LRBA: variants seen among roughly 807,000 people sequenced by gnomAD.
LRBA encodes LPS responsive beige-like anchor protein.
A neutral mutation model predicts 330.0 loss-of-function variants in LRBA; 176 were observed. The observed-to-expected ratio is 0.53, with a 90% CI of 0.47 to 0.60. The LOEUF (loss-of-function observed/expected upper bound fraction) is 0.60, where lower values mean the gene tolerates loss of function less well. Ranked by LOEUF, LRBA falls within the 20% of genes least tolerant of loss-of-function variation. The probability of loss-of-function intolerance (pLI) is 0.00; values close to 1 mark genes in which losing one functional copy is unlikely to be tolerated. For missense variants in LRBA, 3,259 were observed against 3,444.8 expected, an observed-to-expected ratio of 0.95 and a Z score of 1.35; for synonymous variants, 1,230 against 1,193.0, an observed-to-expected ratio of 1.03 and a Z score of -0.64.
At chr4:150,283,002 GCAAA>G (rs1273440086) in intron 54 of LRBA, among the ~76,000 whole-genome samples, 1 of 152,172 alleles carries the variant, frequency 6.6e-6, no homozygotes. Flanking sequence ...AGGCTGGGAT[GCAAA>G]CAAACAAGGG....
chr4:150,372,731 T>C, intron 47 of LRBA, among the ~76,000 whole-genome samples: 1 of 49,308 alleles, frequency 2.0e-5, no homozygotes, highest in Non-Finnish European at 7.0e-5. Context: ...TCCTTATTAT[T>C]AAATTATATG....
At chr4:150,593,352 T>C (rs1773122184) in intron 38 of LRBA, among the ~76,000 whole-genome samples, 1 of 152,222 alleles carries the variant, frequency 6.6e-6, no homozygotes, top group Non-Finnish European at 1.5e-5. Context: ...ACATAGTTAA[T>C]TCATTTAATT....
At chr4:150,930,130 C>G (rs1317739705) in intron 2 of LRBA, among the ~76,000 whole-genome samples, 1 of 152,016 alleles carries the variant, frequency 6.6e-6, no homozygotes, top group Non-Finnish European at 1.5e-5. Context: ...GCCTGGCCAA[C>G]ACGGTGAAAC....
chr4:150,628,267 T>C (rs1450446018), intron 37 of LRBA, among the ~76,000 whole-genome samples: 1 of 152,142 alleles, frequency 6.6e-6, no homozygotes, highest in Non-Finnish European at 1.5e-5. Flanking sequence ...ATTTTTCTCC[T>C]TTTTTTGACA....
At chr4:150,926,382 TAAAAC>T (rs1429900135) in intron 4 of LRBA, among the ~76,000 whole-genome samples, 1 of 152,070 alleles carries the variant, frequency 6.6e-6, no homozygotes, top group Non-Finnish European at 1.5e-5. Context: ...GCCTGAATAG[TAAAAC>T]TAAACTAGCC....
intron 36 of LRBA, among the ~76,000 whole-genome samples, chr4:150,699,083 A>G (rs541020854): frequency 1.3e-5 from 2 of 152,274 alleles, no homozygotes; most frequent in East Asian, 3.9e-4. Context: ...TGAGGCAGGA[A>G]AAAAGGGTAA....
intron 2 of LRBA, among the ~76,000 whole-genome samples, chr4:150,992,808 C>T (rs1340936956): frequency 2.0e-5 from 3 of 152,136 alleles, no homozygotes; most frequent in Non-Finnish European, 4.4e-5. Context: ...ATCTGGCTTC[C>T]ATTTTCCTAT....
At chr4:150,771,164 G>A (rs1348238501) in intron 34 of LRBA, among the ~76,000 whole-genome samples, 1 of 152,152 alleles carries the variant, frequency 6.6e-6, no homozygotes, top group African/African-American at 2.4e-5. Flanking sequence ...ACAGGAACAG[G>A]AAGCAAAACT....
chr4:150,368,715 A>G (rs1739844587), intron 47 of LRBA, among the ~76,000 whole-genome samples: 1 of 152,190 alleles, frequency 6.6e-6, no homozygotes, highest in Non-Finnish European at 1.5e-5. Context: ...AAAGGAAGAA[A>G]ATACTGAGAA....
chr4:150,947,044 A>G (rs923127490), intron 2 of LRBA, among the ~76,000 whole-genome samples: 1 of 152,056 alleles, frequency 6.6e-6, no homozygotes, highest in African/African-American at 2.4e-5. Context: ...TAATTTGAAT[A>G]ATCCTATAAT....
At chr4:150,334,644 T>C (rs1289179022) in intron 48 of LRBA, among the ~76,000 whole-genome samples, 1 of 152,030 alleles carries the variant, frequency 6.6e-6, no homozygotes, top group East Asian at 1.9e-4. Context: ...GATGAAAAGA[T>C]TGGCAGAATA....
chr4:150,803,083 TACACACACAC>T lies in LRBA; in HGVS notation c.5518+3178_5518+3187del, dbSNP rs1553964882. Among the ~76,000 whole-genome samples the T allele has an allele frequency of 1.5e-4, 19 of 128,480 alleles. 1 individual carries two copies. The highest frequency in any genetic ancestry group is 4.8e-4 in the South Asian group (2 of 4,168). The allele number at this position is 128,480 out of a possible 152,430, so 84.3% of individuals were successfully genotyped here. A position where few individuals can be genotyped will look rare whatever the true frequency, so the allele number is the denominator to read the frequency against. On this transcript the variant is annotated intron_variant, in intron 33 of 56. Coordinates refer to ENST00000651943, the MANE Select transcript of LRBA (RefSeq NM_001364905.1). ...AAAACAAACAAAAAAAAAATATATA[TACACACACAC>T]ACACACACACACACACATATATACA... is the stretch of plus-strand genomic sequence containing the variant.
At chr4:150,964,680 C>A (rs933525407) in intron 2 of LRBA, among the ~76,000 whole-genome samples, 7 of 151,864 alleles carry the variant, frequency 4.6e-5, no homozygotes, top group Non-Finnish European at 7.4e-5. Flanking sequence ...GGGACACAAA[C>A]ACTGCAGAAG....
intron 37 of LRBA, among the ~76,000 whole-genome samples, chr4:150,604,929 A>C (rs1167623676): frequency 6.6e-6 from 1 of 152,234 alleles, no homozygotes; most frequent in Non-Finnish European, 1.5e-5. Flanking sequence ...TGGCAGTTGC[A>C]CAGTCAGTAT....
At chr4:150,586,080 G>A (rs561422581) in intron 40 of LRBA, among the ~76,000 whole-genome samples, 1 of 152,140 alleles carries the variant, frequency 6.6e-6, no homozygotes, top group Admixed American at 6.5e-5. Context: ...AATATTAAGT[G>A]GCTCAAACAA....
intron 50 of LRBA, among the ~76,000 whole-genome samples, chr4:150,320,061 C>G (rs1194343458): frequency 6.6e-6 from 1 of 152,102 alleles, no homozygotes; most frequent in Non-Finnish European, 1.5e-5. Context: ...TTTCCTTCTT[C>G]TTAAAAAAAA....
At chr4:150,923,225 G>C (rs995208351) in intron 4 of LRBA, among the ~76,000 whole-genome samples, 7 of 149,136 alleles carry the variant, frequency 4.7e-5, no homozygotes, top group African/African-American at 1.5e-4. Context: ...CATTAAAATA[G>C]GGACCAAAAC....
At chr4:151,014,362 C>T (rs1376259950) in intron 2 of LRBA, 65 bp downstream of exon 2, 1 of 1,366,366 alleles carries the variant, frequency 7.3e-7, no homozygotes, top group South Asian at 1.2e-5. Flanking sequence ...ATGGCTCCAG[C>T]TTTAAGATCT....
At chr4:150,940,366 C>T (rs1735535560) in intron 2 of LRBA, among the ~76,000 whole-genome samples, 1 of 152,182 alleles carries the variant, frequency 6.6e-6, no homozygotes, top group African/African-American at 2.4e-5. Flanking sequence ...CATGCCACAG[C>T]ACCCCAGTCT....
Sources: allele counts gnomAD v4.1 joint callset (sites outside exome capture counted in the v4.1 genomes callset), GRCh38; gene constraint gnomAD v4.1.1; transcripts MANE v1.5; gene names NCBI Gene and HGNC (gene_info 2026-07-23, HGNC 2026-07-21).